PARD3: variants seen among roughly 807,000 people sequenced by gnomAD.
The protein encoded by PARD3 is par-3 family cell polarity regulator.
Under a neutral mutation model 155.4 loss-of-function variants are expected in PARD3, and 75 were observed. The observed-to-expected ratio is 0.48, with a 90% confidence interval of 0.40 to 0.58. PARD3 has a LOEUF of 0.58. PARD3 is among the 20% of genes least tolerant of loss of function. The pLI is 0.00. For missense variants in PARD3, 1,642 were observed against 1,721.7 expected, an observed-to-expected ratio of 0.95 and a Z score of 0.82; for synonymous variants, 576 against 610.5, an observed-to-expected ratio of 0.94 and a Z score of 0.83.
rs577353050 is a variant in PARD3 at position 34,160,798 on chromosome 10, T to C, written c.3420-29215A>G. ...TATTGACAGCTGGACTAAAGGACAG[T>C]GTCGCCATTAACTTACCGCAACCTC... On this transcript the variant is annotated intron_variant, in intron 22 of 24. Coordinates refer to ENST00000374788, the MANE Select transcript of PARD3 (RefSeq NM_001184785.2). Among the ~76,000 whole-genome samples, 49 of 152,318 alleles carry C rather than the reference T, an allele frequency of 3.2e-4. 2 individuals carry two copies. In the East Asian group the frequency reaches 9.1e-3, roughly 28 times the overall value.
At position 34,636,072 on chromosome 10, in the gene PARD3, AGGAAGGAAGAAGGAAGAAGGAAGGAAGAC is replaced by A. The variant is rs1161252288; in HGVS notation, c.222+60217_222+60245del. On this transcript the variant is annotated intron_variant, in intron 2 of 24. Transcript: ENST00000374788. ...GAAAGAAGAAAGGAAGGAAGAAGGA[AGGAAGGAAGAAGGAAGAAGGAAGGAAGAC>A]GGAAGGAAGAAGGAAGAAGAAGAAG... 3.9e-5 allele frequency among the ~76,000 whole-genome samples: 6 copies of A among 152,226 alleles called. No individual in the cohort carries two copies. In the East Asian group the frequency reaches 1.2e-3, roughly 29 times the overall value.
At chr10:34,670,233 A>G (rs937018468) in intron 2 of PARD3, among the ~76,000 whole-genome samples, 20 of 152,364 alleles carry the variant, frequency 1.3e-4, no homozygotes, top group African/African-American at 3.8e-4. Context: ...GTGCTTCCTC[A>G]GAACTTGAGA....
chr10:34,234,042 A>G (rs1203716711), intron 22 of PARD3, among the ~76,000 whole-genome samples: 2 of 152,172 alleles, frequency 1.3e-5, no homozygotes, highest in Non-Finnish European at 2.9e-5. Flanking sequence ...AATTTCTGAT[A>G]TAACTACTGA....
Position 34,254,259 on chromosome 10 carries a change from G to T in PARD3, c.3419+15398C>A, listed in dbSNP as rs61840227. On this transcript the variant is annotated intron_variant, in intron 22 of 24. Coordinates refer to ENST00000374788, the MANE Select transcript of PARD3 (RefSeq NM_001184785.2). ...GCTGGGCATGGTGGCACGTGCTGTAGTCCCAGCTACTCAGGAGGCTGAGGC... is the reference window on the plus strand; with the variant it reads ...GCTGGGCATGGTGGCACGTGCTGTATTCCCAGCTACTCAGGAGGCTGAGGC... Among the ~76,000 whole-genome samples, 28 of 152,094 alleles carry T rather than the reference G, an allele frequency of 1.8e-4. No individual in the cohort carries two copies. The East Asian group carries it at 3.1e-3, about 17-fold the overall frequency.
chr10:34,519,272 G>A (rs1178296661), intron 2 of PARD3, among the ~76,000 whole-genome samples: 1 of 152,132 alleles, frequency 6.6e-6, no homozygotes, highest in Non-Finnish European at 1.5e-5. Flanking sequence ...TGACAGTACT[G>A]ACTCAGTGTG....
At chr10:34,201,356 G>A (rs923274518) in intron 22 of PARD3, among the ~76,000 whole-genome samples, 4 of 152,150 alleles carry the variant, frequency 2.6e-5, no homozygotes, top group African/African-American at 4.8e-5. Context: ...AAACTTATTG[G>A]AAGGGAACAG....
intron 1 of PARD3, among the ~76,000 whole-genome samples, chr10:34,787,715 G>A (rs1178331268): frequency 1.3e-5 from 2 of 151,392 alleles, no homozygotes; most frequent in African/African-American, 4.8e-5. Context: ...GTCAGGCTAG[G>A]AGAAAATATA....
intron 2 of PARD3, among the ~76,000 whole-genome samples, chr10:34,546,657 GA>G (rs997705583): frequency 2.1e-4 from 31 of 149,588 alleles, no homozygotes; most frequent in Middle Eastern, 3.5e-3. Flanking sequence ...TTTATACAAA[GA>G]AAAAAAAAGC....
intron 22 of PARD3, among the ~76,000 whole-genome samples, chr10:34,218,622 T>C (rs1952124257): frequency 6.6e-6 from 1 of 152,194 alleles, no homozygotes; most frequent in South Asian, 2.1e-4. Flanking sequence ...AAACAAATTT[T>C]TTTTTGAAGT....
chr10:34,291,930 C>A (rs1038158031), intron 20 of PARD3, among the ~76,000 whole-genome samples: 1 of 152,122 alleles, frequency 6.6e-6, no homozygotes, highest in Non-Finnish European at 1.5e-5. Context: ...AAATTAGGTC[C>A]AAAGGACATT....
At chr10:34,393,363 T>G (rs1481584345) in intron 7 of PARD3, among the ~76,000 whole-genome samples, 2 of 151,960 alleles carry the variant, frequency 1.3e-5, no homozygotes, top group African/African-American at 4.8e-5. Context: ...GCAGATCACT[T>G]GAGCCCAAGA....
chr10:34,666,786 A>ATC, intron 2 of PARD3, among the ~76,000 whole-genome samples: 4 of 90,150 alleles, frequency 4.4e-5, no homozygotes, highest in African/African-American at 2.4e-4. Context: ...CTAAAAAAAA[A>ATC]AAAAAAAAAA....
At chr10:34,644,234 A>G (rs1397084936) in intron 2 of PARD3, among the ~76,000 whole-genome samples, 1 of 152,206 alleles carries the variant, frequency 6.6e-6, no homozygotes, top group Non-Finnish European at 1.5e-5. Flanking sequence ...ACTGCAGCCC[A>G]GGGGAGACAT....
intron 7 of PARD3, 42 bp from the exon 8 acceptor site, chr10:34,384,296 C>T (rs1209699832): frequency 6.3e-7 from 1 of 1,581,112 alleles, no homozygotes; most frequent in South Asian, 1.1e-5. Context: ...TGTAATATCT[C>T]CACCATGCAC....
chr10:34,177,295 C>T (rs1309087567), intron 22 of PARD3, among the ~76,000 whole-genome samples: 1 of 152,058 alleles, frequency 6.6e-6, no homozygotes, highest in East Asian at 1.9e-4. Flanking sequence ...CGCTTTGACC[C>T]CATGACTTTT....
At position 34,160,744 on chromosome 10, in the gene PARD3, G is replaced by A. The variant is rs150102746; in HGVS notation, c.3420-29161C>T. ...ACATCCCCAGACTTCTTACCAACAT[G>A]TAAACTTTGACCGTTCACAGTATGC... On this transcript the variant is annotated intron_variant, in intron 22 of 24. Coordinates refer to ENST00000374788, the MANE Select transcript of PARD3 (RefSeq NM_001184785.2). Among the ~76,000 whole-genome samples the A allele has an allele frequency of 2.1e-3, 322 of 152,294 alleles. 1 individual carries two copies. The highest frequency in any genetic ancestry group is 3.7e-3 in the Non-Finnish European group (255 of 68,024).
At chr10:34,566,579 C>T (rs1255541222) in intron 2 of PARD3, among the ~76,000 whole-genome samples, 1 of 152,146 alleles carries the variant, frequency 6.6e-6, no homozygotes, top group African/African-American at 2.4e-5. Context: ...TAAAAATTTA[C>T]CTGTGTATTA....
Position 34,171,167 on chromosome 10 carries a change from T to C in PARD3, c.3420-39584A>G, listed in dbSNP as rs143722903. On this transcript the variant is annotated intron_variant, in intron 22 of 24. Coordinates refer to ENST00000374788, the MANE Select transcript of PARD3 (RefSeq NM_001184785.2). ...AAAAAAGATGGTATCCATACAATCATTGAATGTATAATTTGACAAGCTAAA... is the reference window on the plus strand; with the variant it reads ...AAAAAAGATGGTATCCATACAATCACTGAATGTATAATTTGACAAGCTAAA... Among the ~76,000 whole-genome samples the C allele has an allele frequency of 5.8e-3, 876 of 152,310 alleles. 4 individuals are homozygous for C. The highest frequency in any genetic ancestry group is 0.01 in the Middle Eastern group (3 of 294).
At chr10:34,684,830 C>T (rs796868444) in intron 2 of PARD3, among the ~76,000 whole-genome samples, 161 of 48,524 alleles carry the variant, frequency 3.3e-3, no homozygotes, top group African/African-American at 5.3e-3. Context: ...CACACACACA[C>T]ATATATACAC....
Sources: allele counts gnomAD v4.1 joint callset (sites outside exome capture counted in the v4.1 genomes callset), GRCh38; gene constraint gnomAD v4.1.1; transcripts MANE v1.5; gene names NCBI Gene and HGNC (gene_info 2026-07-23, HGNC 2026-07-21).